Variants in PLEKHA8 observed in about 807,000 individuals in gnomAD.
The protein encoded by PLEKHA8 is pleckstrin homology domain-containing family A member 8.
PLEKHA8 carries 36 observed loss-of-function variants against 68.2 expected under a neutral mutation model. That is an observed-to-expected ratio of 0.53 (90% CI 0.40 to 0.70). The LOEUF (loss-of-function observed/expected upper bound fraction) is 0.70, where lower values mean the gene tolerates loss of function less well. Among genes scored for constraint, PLEKHA8 ranks in the 30% least tolerant of loss-of-function variants. PLEKHA8 has a pLI of 0.00. For missense variants in PLEKHA8, 505 were observed against 615.4 expected, an observed-to-expected ratio of 0.82 and a Z score of 1.90; for synonymous variants, 211 against 216.1, an observed-to-expected ratio of 0.98 and a Z score of 0.20.
intron 9 of PLEKHA8, among the ~76,000 whole-genome samples, chr7:30,055,589 A>G (rs1441343930): frequency 2.6e-5 from 4 of 152,248 alleles, no homozygotes; most frequent in Non-Finnish European, 5.9e-5. Flanking sequence ...ATCTTTCTAG[A>G]AACCATACAT....
chr7:30,041,117 C>T (rs17326013), intron 1 of PLEKHA8, among the ~76,000 whole-genome samples: 1 of 152,142 alleles, frequency 6.6e-6, no homozygotes, highest in Non-Finnish European at 1.5e-5. Flanking sequence ...TTTCCCAGCA[C>T]TGGACATTAT....
At chr7:30,104,530 G>A (rs1395465472) in intron 13 of PLEKHA8, among the ~76,000 whole-genome samples, 2 of 152,114 alleles carry the variant, frequency 1.3e-5, no homozygotes, top group Non-Finnish European at 2.9e-5. Flanking sequence ...ATATCCAGCA[G>A]CTTAGATGAA....
At chr7:30,108,037 C>G (rs898916044) in intron 13 of PLEKHA8, among the ~76,000 whole-genome samples, 12 of 130,058 alleles carry the variant, frequency 9.2e-5, no homozygotes, top group African/African-American at 3.7e-4. Context: ...CTATTGCACT[C>G]CAGCCTGGGC....
chr7:30,078,848 A>G lies in PLEKHA8; in HGVS notation c.*61A>G, dbSNP rs1794775431. ...AAGTGCTAAAGTGTTTTGTTGCCCT[A>G]CTTAATTTCCAGCAACAGCCTCAAC... On this transcript the variant is annotated 3_prime_UTR_variant, in exon 14 of 14. Coordinates refer to ENST00000449726, the MANE Select transcript of PLEKHA8 (RefSeq NM_001197026.2). 6 of 1,555,636 alleles carry G rather than the reference A, an allele frequency of 3.9e-6. No individual in the cohort carries two copies. Among genetic ancestry groups the G allele is most frequent in the Non-Finnish European group, 5.2e-6 (6 of 1,149,864 alleles).
intron 13 of PLEKHA8, among the ~76,000 whole-genome samples, chr7:30,111,519 T>C (rs1173631558): frequency 6.6e-6 from 1 of 152,214 alleles, no homozygotes; most frequent in African/African-American, 2.4e-5. Context: ...GTTTTCTATA[T>C]CATTCATTTC....
At chr7:30,051,323 G>T (rs922609966) in intron 6 of PLEKHA8, among the ~76,000 whole-genome samples, 2 of 151,070 alleles carry the variant, frequency 1.3e-5, no homozygotes, top group Non-Finnish European at 2.9e-5. Flanking sequence ...GAGCATATTT[G>T]TAGGTTTTTT....
rs545244458 is a variant in PLEKHA8, at chr7:30,046,325, C to T, written c.273C>T (p.Ala91=). The change falls in exon 3 of 14, where the codon GCC becomes GCT. Residue 91 remains alanine, a synonymous_variant. Transcript: ENST00000449726. The part of the protein sequence containing the change: ...RQRWLVALGS[A]KACLTDSRTQ... ...GGTGGCTGGTGGCCCTGGGATCAGC[C>T]AAGGCTTGCCTGACTGACAGTAGGA... 2 of 1,613,214 alleles carry T rather than the reference C, an allele frequency of 1.2e-6. No individual in the cohort carries two copies. Among genetic ancestry groups the T allele is most frequent in the African/African-American group, 2.7e-5 (2 of 75,012 alleles).
Position 30,101,051 on chromosome 7 carries a change from G to A in PLEKHA8, c.1362+26919G>A, listed in dbSNP as rs907598000. On this transcript the variant is annotated intron_variant, in intron 13 of 13. Coordinates refer to the PLEKHA8 transcript ENST00000396257. ...CTAAAAATACAAAAATTAGCTGGGT[G>A]TGGTGGTACACACCTGTAGTCACAG... Among the ~76,000 whole-genome samples the A allele has an allele frequency of 7.2e-5, 11 of 152,114 alleles. 1 individual carries two copies. Among genetic ancestry groups the A allele is most frequent in the Non-Finnish European group, 1.5e-4 (10 of 67,974 alleles).
intron 1 of PLEKHA8, among the ~76,000 whole-genome samples, chr7:30,032,747 G>A (rs1790760608): frequency 6.6e-6 from 1 of 152,224 alleles, no homozygotes; most frequent in African/African-American, 2.4e-5. Flanking sequence ...ACTGCCCAAT[G>A]TTGTGCATAT....
Position 30,081,024 on chromosome 7 carries a change from T to C in PLEKHA8, c.*2237T>C. The C allele has an allele frequency of 1.0e-6, 1 of 985,274 alleles. No individual in the cohort carries two copies. Among genetic ancestry groups the C allele is most frequent in the Non-Finnish European group, 1.2e-6 (1 of 829,902 alleles). The allele number at this position is 985,274 out of a possible 1,614,324, so 61.0% of individuals were successfully genotyped here. A position where few individuals can be genotyped will look rare whatever the true frequency, so the allele number is the denominator to read the frequency against. On this transcript the variant is annotated 3_prime_UTR_variant, in exon 14 of 14. Coordinates refer to ENST00000449726, the MANE Select transcript of PLEKHA8 (RefSeq NM_001197026.2). ...TCTTGGAGAGGTAGCACTCTGAAAA[T>C]ACCTCAGGTTTGCCACCGCAACTCT...
Position 30,079,894 on chromosome 7 carries a change from T to A in PLEKHA8, c.*1107T>A. On this transcript the variant is annotated 3_prime_UTR_variant, in exon 14 of 14. Transcript: ENST00000449726. The stretch of plus-strand genomic sequence containing the variant: ...AGTTTTCTTCAAGAACTAAATGATA[T>A]GTCCTTTTTTTTTTTTTCAAAGAGG... 2 of 979,650 alleles carry A rather than the reference T, an allele frequency of 2.0e-6. No homozygotes were observed. The highest frequency in any genetic ancestry group is 2.4e-6 in the Non-Finnish European group (2 of 824,858). The allele number at this position is 979,650 out of a possible 1,614,324, so 60.7% of individuals were successfully genotyped here. A position where few individuals can be genotyped will look rare whatever the true frequency, so the allele number is the denominator to read the frequency against.
At chr7:30,105,311 TA>T (rs59891172) in intron 13 of PLEKHA8, among the ~76,000 whole-genome samples, 17,748 of 53,678 alleles carry the variant, frequency 0.33, 1,943 homozygotes, top group Non-Finnish European at 0.39. Flanking sequence ...TCTCTATAAT[TA>T]AAAAAAAAAA....
downstream of PLEKHA8, among the ~76,000 whole-genome samples, chr7:30,092,641 C>T (rs892162147): frequency 1.2e-4 from 19 of 152,200 alleles, no homozygotes; most frequent in Non-Finnish European, 1.9e-4. Context: ...ATCTCCTCCC[C>T]TTATTCGGAG....
At chr7:30,034,095 G>A (rs118095958) in intron 1 of PLEKHA8, among the ~76,000 whole-genome samples, 5,473 of 117,790 alleles carry the variant, frequency 0.046, 147 homozygotes, top group Middle Eastern at 0.099. Context: ...TGTGATCTCC[G>A]CCTCCCGAGT....
intron 9 of PLEKHA8, among the ~76,000 whole-genome samples, chr7:30,055,832 T>A (rs538517878): frequency 6.6e-6 from 1 of 152,182 alleles, no homozygotes; most frequent in African/African-American, 2.4e-5. Flanking sequence ...AATTTTTGTA[T>A]TTTTTGTGGA....
At chr7:30,065,459 G>A (rs1261786288) in intron 12 of PLEKHA8, among the ~76,000 whole-genome samples, 1 of 143,840 alleles carries the variant, frequency 7.0e-6, no homozygotes, top group Non-Finnish European at 1.5e-5. Flanking sequence ...CAAGCTCTGC[G>A]TAAACGGTTT....
At chr7:30,045,222 C>A in intron 2 of PLEKHA8, 21 bp downstream of exon 2, 1 of 1,541,260 alleles carries the variant, frequency 6.5e-7, no homozygotes, top group Non-Finnish European at 8.9e-7. Context: ...AAGCAACTTG[C>A]AAGTTTTATT....
chr7:30,043,882 G>A (rs531940102), intron 1 of PLEKHA8, among the ~76,000 whole-genome samples: 25 of 152,262 alleles, frequency 1.6e-4, no homozygotes, highest in African/African-American at 6.0e-4. Flanking sequence ...AGCCCTTGGG[G>A]CTCTGCCTTC....
Position 30,078,707 on chromosome 7 carries a change from C to T in PLEKHA8, c.1480C>T (p.Leu494Phe), listed in dbSNP as rs1286956111. The change falls in exon 14 of 14, where the codon CTC becomes TTC. Residue 494 changes from leucine to phenylalanine, a missense_variant. Physicochemically the swap from Leu to Phe is conservative, Grantham distance 22. Coordinates refer to ENST00000449726, the MANE Select transcript of PLEKHA8 (RefSeq NM_001197026.2). ...IGMQRDLSLY[L>F]PAMEKQLAIL... ...GATGCAGAGGGACCTCAGCCTTTAC[C>T]TCCCTGCCATGGAGAAGCAGCTGGC... The T allele has an allele frequency of 6.2e-7, 1 of 1,613,852 alleles. No homozygotes were observed. Among genetic ancestry groups the T allele is most frequent in the Non-Finnish European group, 8.5e-7 (1 of 1,179,820 alleles).
Sources: gnomAD v4.1 joint callset for allele counts (sites outside exome capture counted in the v4.1 genomes callset) on GRCh38, gnomAD v4.1.1 for gene constraint, MANE v1.5 for transcripts, NCBI Gene and HGNC (gene_info 2026-07-23, HGNC 2026-07-21) for gene names.